The following KDM4C variants were observed in gnomAD, a reference collection of about 807,000 sequenced individuals.
The protein encoded by KDM4C is lysine demethylase 4C.
Under a neutral mutation model 129.3 loss-of-function variants are expected in KDM4C, and 81 were observed. The observed-to-expected ratio is 0.63, with a 90% CI of 0.52 to 0.75. The LOEUF (loss-of-function observed/expected upper bound fraction) is 0.75. Ranked by LOEUF, KDM4C falls within the 30% of genes least tolerant of loss-of-function variation. KDM4C has a pLI of 0.00. For missense variants in KDM4C, 1,457 were observed against 1,304.0 expected (o/e 1.12, Z -1.81); for synonymous variants, 573 against 456.1 (o/e 1.26, Z -3.26).
At chr9:6,949,058 G>C (rs1023584454) in intron 8 of KDM4C, among the ~76,000 whole-genome samples, 3 of 151,106 alleles carry the variant, frequency 2.0e-5, no homozygotes, top group African/African-American at 7.3e-5. Context: ...AGAAGGGGCG[G>C]CTGGGCAGAG....
chr9:6,721,638 T>G (rs1235396647), intron 1 of KDM4C, among the ~76,000 whole-genome samples: 1 of 143,828 alleles, frequency 7.0e-6, no homozygotes, highest in Admixed American at 7.1e-5. Flanking sequence ...GCCCAGGCTG[T>G]AGTGCAGTGG....
intron 4 of KDM4C, among the ~76,000 whole-genome samples, chr9:6,845,766 T>C (rs1837751111): frequency 6.6e-6 from 1 of 152,200 alleles, no homozygotes; most frequent in Non-Finnish European, 1.5e-5. Flanking sequence ...CTCCAGTTAG[T>C]CCATTGGAAG....
chr9:7,045,211 C>T (rs943724917), intron 15 of KDM4C, among the ~76,000 whole-genome samples: 1 of 151,990 alleles, frequency 6.6e-6, no homozygotes, highest in Non-Finnish European at 1.5e-5. Flanking sequence ...AGCTTCCATG[C>T]TGCTGCGCTG....
At chr9:6,763,249 C>G (rs1240713147) in intron 1 of KDM4C, among the ~76,000 whole-genome samples, 1 of 152,172 alleles carries the variant, frequency 6.6e-6, no homozygotes, top group Non-Finnish European at 1.5e-5. Context: ...CTACCAAACT[C>G]ATCTTTCTTC....
chr9:6,898,253 C>T (rs912889925), intron 8 of KDM4C, among the ~76,000 whole-genome samples: 4 of 152,178 alleles, frequency 2.6e-5, no homozygotes, highest in Non-Finnish European at 5.9e-5. Context: ...CAGCCTCAAG[C>T]ACTATGATTG....
At chr9:7,136,762 G>C (rs1841251741) in intron 19 of KDM4C, among the ~76,000 whole-genome samples, 2 of 152,174 alleles carry the variant, frequency 1.3e-5, no homozygotes, top group South Asian at 4.2e-4. Flanking sequence ...CTTTCTCCTG[G>C]TTCGTGTCTT....
In KDM4C at chr9:6,793,201, C is replaced by T. The variant is rs193059898; in HGVS notation, c.144+69C>T. 260 of 1,512,108 alleles carry T rather than the reference C, an allele frequency of 1.7e-4. 1 individual carries two copies. The Middle Eastern group carries it at 2.1e-3, about 12-fold the overall frequency. 93.7% of individuals were successfully genotyped at this position (1,512,108 alleles called of 1,614,324 possible). A position where few individuals can be genotyped will look rare whatever the true frequency, so the allele number is the denominator to read the frequency against. On this transcript the variant is annotated intron_variant, in intron 2 of 21. Coordinates refer to ENST00000381309, the MANE Select transcript of KDM4C (RefSeq NM_015061.6). Reference sequence around the variant, plus strand: ...CTTTAATTTATGTTCTTAGTTTTCACGATTTGGGACATTGTTTCTGAAGGA... The same window carrying T: ...CTTTAATTTATGTTCTTAGTTTTCATGATTTGGGACATTGTTTCTGAAGGA...
intron 4 of KDM4C, among the ~76,000 whole-genome samples, chr9:6,838,408 T>A (rs1408496088): frequency 6.6e-6 from 1 of 152,170 alleles, no homozygotes; most frequent in Admixed American, 6.5e-5. Context: ...AATGTATGAT[T>A]CTTTTCTCCC....
At chr9:6,833,722 C>T (rs1454827433) in intron 4 of KDM4C, among the ~76,000 whole-genome samples, 2 of 152,156 alleles carry the variant, frequency 1.3e-5, no homozygotes, top group African/African-American at 4.8e-5. Flanking sequence ...TTAGCTGCTG[C>T]AGGTGGCAGT....
chr9:6,958,705 G>A (rs62534369), intron 8 of KDM4C, among the ~76,000 whole-genome samples: 1 of 47,942 alleles, frequency 2.1e-5, no homozygotes, highest in East Asian at 1.1e-3. Flanking sequence ...TTTTTTTTGG[G>A]ACAGGGTCTC....
At chr9:6,730,658 T>C (rs1463549649) in intron 1 of KDM4C, among the ~76,000 whole-genome samples, 1 of 150,272 alleles carries the variant, frequency 6.7e-6, no homozygotes, top group Non-Finnish European at 1.5e-5. Flanking sequence ...AATTGAGCAA[T>C]GAATGATTCA....
chr9:6,959,256 G>T (rs1462206414), intron 8 of KDM4C, among the ~76,000 whole-genome samples: 1 of 152,218 alleles, frequency 6.6e-6, no homozygotes, highest in Non-Finnish European at 1.5e-5. Flanking sequence ...GTCCCACCAT[G>T]TAGTCCCAGA....
intron 17 of KDM4C, among the ~76,000 whole-genome samples, chr9:7,059,141 A>T (rs1018626051): frequency 6.6e-6 from 1 of 152,168 alleles, no homozygotes; most frequent in Non-Finnish European, 1.5e-5. Flanking sequence ...ACTCAGTGAC[A>T]GTATTTTGTA....
intron 15 of KDM4C, among the ~76,000 whole-genome samples, chr9:7,029,812 A>T (rs1387821723): frequency 1.3e-5 from 2 of 152,218 alleles, no homozygotes; most frequent in Non-Finnish European, 2.9e-5. Flanking sequence ...AAGTCACAGA[A>T]TGTAACATCC....
At chr9:6,839,547 T>G (rs551810021) in intron 4 of KDM4C, among the ~76,000 whole-genome samples, 7 of 152,174 alleles carry the variant, frequency 4.6e-5, no homozygotes, top group Admixed American at 4.6e-4. Flanking sequence ...GCCAAATTTG[T>G]CTTTTTAAAA....
intron 15 of KDM4C, among the ~76,000 whole-genome samples, chr9:7,031,650 A>T (rs1826802578): frequency 6.6e-6 from 1 of 152,084 alleles, no homozygotes. Context: ...TGTATATATA[A>T]ACAGCCACCA....
intron 2 of KDM4C, among the ~76,000 whole-genome samples, chr9:6,799,242 G>A (rs992007515): frequency 3.9e-5 from 6 of 152,212 alleles, no homozygotes; most frequent in Non-Finnish European, 7.3e-5. Flanking sequence ...GTAGCGACGC[G>A]AGATCACGCC....
chr9:7,041,620 G>A (rs1828621614), intron 15 of KDM4C, among the ~76,000 whole-genome samples: 1 of 151,870 alleles, frequency 6.6e-6, no homozygotes, highest in African/African-American at 2.4e-5. Context: ...ACTGAAATGA[G>A]TATTATTATT....
chr9:6,966,662 C>T (rs1369236733), intron 8 of KDM4C, among the ~76,000 whole-genome samples: 1 of 152,154 alleles, frequency 6.6e-6, no homozygotes, highest in Non-Finnish European at 1.5e-5. Flanking sequence ...AGTTAATCCA[C>T]ATCAGATCCA....
Sources: gnomAD v4.1 joint callset for allele counts (sites outside exome capture counted in the v4.1 genomes callset) on GRCh38, gnomAD v4.1.1 for gene constraint, MANE v1.5 for transcripts, NCBI Gene and HGNC (gene_info 2026-07-23, HGNC 2026-07-21) for gene names.